ANKRD45: variants seen among roughly 807,000 people sequenced by gnomAD.
ANKRD45 encodes the protein ankyrin repeat domain-containing protein 45.
ANKRD45 carries 21 observed loss-of-function variants against 28.1 expected under a neutral mutation model. The observed-to-expected ratio is 0.75, with a 90% CI of 0.53 to 1.08. The LOEUF is 1.08. Among genes scored for constraint, ANKRD45 ranks in the 50% least tolerant of loss-of-function variants. ANKRD45 has a pLI of 0.00. For synonymous variants in ANKRD45, 86 were observed against 103.9 expected, an observed-to-expected ratio of 0.83 and a Z score of 1.05; for missense variants, 261 against 308.7, an observed-to-expected ratio of 0.85 and a Z score of 1.16.
the ANKRD45 span, among the ~76,000 whole-genome samples, chr1:173,688,621 C>T: frequency 4.3e-5 from 6 of 139,240 alleles, no homozygotes; most frequent in South Asian, 4.6e-4. Flanking sequence ...TCTCTCTCTC[C>T]GCCTCTTCCT....
At position 173,624,849 on chromosome 1, in the gene ANKRD45, A is replaced by C. The variant is rs763232829; in HGVS notation, c.668T>G (p.Phe223Cys). Residue 223 changes from phenylalanine (F) to cysteine (C), a missense_variant, in exon 5 of 6, where the codon TTT becomes TGT. Transcript: ENST00000333279. ...ATCTTCCAGTTGTTGTCTCTGCTCA[A>C]AAAGCTCATTAATGGAAGCTTCTGT... ...THTEASINEL[F>C]EQRQQLEDIV... 4 of 1,613,772 alleles carry C rather than the reference A, an allele frequency of 2.5e-6. No individual in the cohort carries two copies. The Admixed American group carries it at 5.0e-5, about 20-fold the overall frequency.
chr1:173,702,349 C>T, the ANKRD45 span, among the ~76,000 whole-genome samples: 1 of 152,152 alleles, frequency 6.6e-6, no homozygotes, highest in Non-Finnish European at 1.5e-5. Flanking sequence ...ATTCAAAGTT[C>T]AGCAGATATG....
the ANKRD45 span, among the ~76,000 whole-genome samples, chr1:173,696,516 T>C: frequency 2.0e-5 from 3 of 152,194 alleles, no homozygotes; most frequent in Non-Finnish European, 4.4e-5. Context: ...CCAGTACCAT[T>C]TACTGAATAG....
At chr1:173,626,259 A>G (rs1220120589) in intron 4 of ANKRD45, among the ~76,000 whole-genome samples, 1 of 152,200 alleles carries the variant, frequency 6.6e-6, no homozygotes, top group African/African-American at 2.4e-5. Flanking sequence ...AAAATAAATG[A>G]AATAATTTAA....
chr1:173,640,881 A>G (rs755657585), intron 3 of ANKRD45, among the ~76,000 whole-genome samples: 1 of 152,156 alleles, frequency 6.6e-6, no homozygotes, highest in Non-Finnish European at 1.5e-5. Context: ...GTGCAAATCT[A>G]AAATCCCTCA....
intron 2 of ANKRD45, among the ~76,000 whole-genome samples, chr1:173,655,478 C>A (rs1669461006): frequency 2.0e-5 from 3 of 152,186 alleles, no homozygotes; most frequent in Admixed American, 2.0e-4. Context: ...CTGATCCTTC[C>A]TCTGGAAGCT....
At chr1:173,710,733 T>C in the ANKRD45 span, among the ~76,000 whole-genome samples, 1 of 152,198 alleles carries the variant, frequency 6.6e-6, no homozygotes. Context: ...TTCAGGTGTT[T>C]TTATCTACTG....
chr1:173,655,059 G>C (rs1402504689), intron 2 of ANKRD45, among the ~76,000 whole-genome samples: 1 of 152,168 alleles, frequency 6.6e-6, no homozygotes, highest in East Asian at 1.9e-4. Flanking sequence ...CTTTAGCTCA[G>C]AGAAGTTTGT....
At chr1:173,691,173 C>T in the ANKRD45 span, among the ~76,000 whole-genome samples, 3 of 152,202 alleles carry the variant, frequency 2.0e-5, no homozygotes, top group East Asian at 1.9e-4. Context: ...TTCCTTGGTC[C>T]ATGCCCAGAG....
At chr1:173,663,001 A>G (rs1472753646) in intron 1 of ANKRD45, among the ~76,000 whole-genome samples, 1 of 151,886 alleles carries the variant, frequency 6.6e-6, no homozygotes, top group Non-Finnish European at 1.5e-5. Flanking sequence ...CAGAAGAATT[A>G]CAGTGGAAAC....
the ANKRD45 span, among the ~76,000 whole-genome samples, chr1:173,684,498 C>T: frequency 6.6e-6 from 1 of 152,222 alleles, no homozygotes; most frequent in East Asian, 1.9e-4. Context: ...TGACATAGCA[C>T]CTGACAAGAA....
chr1:173,686,647 G>A, the ANKRD45 span, among the ~76,000 whole-genome samples: 1 of 152,206 alleles, frequency 6.6e-6, no homozygotes, highest in Non-Finnish European at 1.5e-5. Flanking sequence ...CTAAGAAATT[G>A]ACCTTTTGTT....
intron 2 of ANKRD45, among the ~76,000 whole-genome samples, chr1:173,657,159 C>T (rs150157629): frequency 6.6e-6 from 1 of 151,466 alleles, no homozygotes; most frequent in East Asian, 2.0e-4. Context: ...TGTGCTGTCT[C>T]TCTCTGATTA....
chr1:173,631,146 A>G (rs909638308), intron 3 of ANKRD45, among the ~76,000 whole-genome samples: 1 of 152,196 alleles, frequency 6.6e-6, no homozygotes, highest in African/African-American at 2.4e-5. Context: ...TTCCATGCCA[A>G]TGGAAACCAA....
intron 1 of ANKRD45, among the ~76,000 whole-genome samples, chr1:173,666,776 A>G (rs1670038901): frequency 6.6e-6 from 1 of 152,088 alleles, no homozygotes. Flanking sequence ...TTTTTTAGAC[A>G]AGATCTCACT....
At chr1:173,655,248 T>C (rs916984648) in intron 2 of ANKRD45, among the ~76,000 whole-genome samples, 1 of 152,212 alleles carries the variant, frequency 6.6e-6, no homozygotes, top group Non-Finnish European at 1.5e-5. Context: ...ACCTTTGGTG[T>C]TTGACGTTGG....
At chr1:173,638,095 A>AGTGTGTGTGT (rs57442264) in intron 3 of ANKRD45, among the ~76,000 whole-genome samples, 22 of 149,316 alleles carry the variant, frequency 1.5e-4, no homozygotes, top group Admixed American at 5.3e-4. Flanking sequence ...TTGGAGGCTG[A>AGTGTGTGTGT]GTGTGTGTGT....
At chr1:173,649,813 T>C (rs1464129258) in intron 2 of ANKRD45, among the ~76,000 whole-genome samples, 1 of 152,176 alleles carries the variant, frequency 6.6e-6, no homozygotes, top group Admixed American at 6.5e-5. Context: ...TTTTTATGTA[T>C]GGTACAAAGT....
chr1:173,659,643 A>G (rs1022055611), intron 1 of ANKRD45, among the ~76,000 whole-genome samples: 1 of 152,222 alleles, frequency 6.6e-6, no homozygotes, highest in Admixed American at 6.5e-5. Flanking sequence ...GCTCAAGTAT[A>G]TACTAAAATG....
Sources: allele counts gnomAD v4.1 joint callset (sites outside exome capture counted in the v4.1 genomes callset), GRCh38; gene constraint gnomAD v4.1.1; transcripts MANE v1.5; gene names NCBI Gene and HGNC (gene_info 2026-07-23, HGNC 2026-07-21).